Variants in OR8K3 observed in about 807,000 individuals in gnomAD.
OR8K3 encodes the protein olfactory receptor family 8 subfamily K member 3 (gene/pseudogene), also known as olfactory receptor 8K3.
For missense variants in OR8K3, 448 were observed against 367.4 expected (o/e 1.22, Z -1.79); for synonymous variants, 167 against 138.8 (o/e 1.20, Z -1.43).
rs996597874 is a variant in OR8K3, at chr11:56,318,897, G to C, written c.591G>C (p.Leu197Phe). 2 of 1,613,714 alleles carry C rather than the reference G, an allele frequency of 1.2e-6. No individual in the cohort carries two copies. Among genetic ancestry groups the C allele is most frequent in the Admixed American group, 1.7e-5 (1 of 60,022 alleles). Residue 197 changes from leucine to phenylalanine, a missense_variant, in exon 3 of 3, where the codon TTG (leucine) becomes TTC (phenylalanine). Coordinates refer to ENST00000641662, the MANE Select transcript of OR8K3 (RefSeq NM_001005202.2). ...GTTCAAATACACATGAAATTGAATTGATAATTCTGATCTTTGCAGCTATTG... is the reference window on the plus strand; with the variant it reads ...GTTCAAATACACATGAAATTGAATTCATAATTCTGATCTTTGCAGCTATTG... ...LLCSNTHEIE[L>F]IILIFAAIDL...
chr11:56,316,620 A>G (rs1006399166), intron 2 of OR8K3, among the ~76,000 whole-genome samples: 6 of 152,008 alleles, frequency 3.9e-5, no homozygotes, highest in South Asian at 2.1e-4. Flanking sequence ...GAAAAGTTTT[A>G]AATCACAGCC....
Position 56,318,949 on chromosome 11 carries a change from C to A in OR8K3, c.643C>A (p.Leu215Ile), listed in dbSNP as rs755503510. The A allele has an allele frequency of 1.9e-6, 3 of 1,614,092 alleles. No homozygotes were observed. The highest frequency in any genetic ancestry group is 2.5e-6 in the Non-Finnish European group (3 of 1,179,988). Reference protein sequence around the residue: ...IDLISSLLIVLLSYLLILVAI... With the variant: ...IDLISSLLIVILSYLLILVAI... ...TTTGATTTCATCTCTTCTGATAGTT[C>A]TTTTATCTTACCTGCTCATCCTTGT... Residue 215 changes from leucine (L) to isoleucine (I), a missense_variant, in exon 3 of 3, where the codon CTT (leucine) becomes ATT (isoleucine). Leu to Ile is a conservative substitution (Grantham distance 5). Transcript: ENST00000641662.
In OR8K3 at chr11:56,318,545, A is replaced by G. The variant is rs766510781; in HGVS notation, c.239A>G (p.Lys80Arg). 2 of 1,613,230 alleles carry G rather than the reference A, an allele frequency of 1.2e-6. No individual in the cohort carries two copies. Among genetic ancestry groups the G allele is most frequent in the East Asian group, 4.5e-5 (2 of 44,888 alleles). The change falls in exon 3 of 3, where the codon AAA (lysine) becomes AGA (arginine). Residue 80 changes from lysine to arginine, a missense_variant. By Grantham distance (26) the Lys-to-Arg change is conservative. Coordinates refer to ENST00000641662, the MANE Select transcript of OR8K3 (RefSeq NM_001005202.2). ...GGTTATTCAACAACTGTGGGACCCA[A>G]AATGTTAGTAAATTTTGTTGTGGAT... ...DLGYSTTVGP[K>R]MLVNFVVDKN...
At chr11:56,317,359 A>G (rs1206323382) in intron 2 of OR8K3, among the ~76,000 whole-genome samples, 4 of 152,136 alleles carry the variant, frequency 2.6e-5, no homozygotes, top group Admixed American at 2.0e-4. Context: ...ACAGTTTTAG[A>G]TAACTTACAC....
rs1307546500 is a variant in OR8K3 at position 56,317,531 on chromosome 11, T to A, written c.-23-753T>A. Among the ~76,000 whole-genome samples the A allele has an allele frequency of 2.0e-5, 3 of 152,146 alleles. No homozygotes were observed. The East Asian group carries it at 5.8e-4, about 29-fold the overall frequency. On this transcript the variant is annotated intron_variant, in intron 2 of 2. Transcript: ENST00000641662. ...ACTCATATGCCTAATATCTGTCAACTCTATTAAAGTCTCAGCTGTACCACC... is the reference window on the plus strand; with the variant it reads ...ACTCATATGCCTAATATCTGTCAACACTATTAAAGTCTCAGCTGTACCACC...
In OR8K3 at chr11:56,320,549, C is replaced by T. The variant is rs1854510940; in HGVS notation, c.*1304C>T. The T allele has an allele frequency of 6.6e-6, 1 of 152,108 alleles. No individual in the cohort carries two copies. Among genetic ancestry groups the T allele is most frequent in the Non-Finnish European group, 1.5e-5 (1 of 68,020 alleles). 9.4% of individuals were successfully genotyped at this position (152,108 alleles called of 1,614,324 possible). On this transcript the variant is annotated 3_prime_UTR_variant, in exon 3 of 3. Coordinates refer to ENST00000641662, the MANE Select transcript of OR8K3 (RefSeq NM_001005202.2). ...TTGGTTCACCATCATAAAATAAAAT[C>T]CCATGTGCAGCCAAAGAAACACTAA... is the stretch of plus-strand genomic sequence containing the variant.
chr11:56,318,956 C>T lies in OR8K3; in HGVS notation c.650C>T (p.Ser217Phe). ...TCATCTCTTCTGATAGTTCTTTTAT[C>T]TTACCTGCTCATCCTTGTAGCCATT... ...LISSLLIVLL[S>F]YLLILVAILR... is the part of the protein sequence containing the mutation. Residue 217 changes from serine (S) to phenylalanine (F), a missense_variant, in exon 3 of 3, where the codon TCT (serine) becomes TTT (phenylalanine). Physicochemically the swap from Ser to Phe is radical, Grantham distance 155. Transcript: ENST00000641662. 2 of 1,614,112 alleles carry T rather than the reference C, an allele frequency of 1.2e-6. No homozygotes were observed. Among genetic ancestry groups the T allele is most frequent in the South Asian group, 1.1e-5 (1 of 91,080 alleles).
In OR8K3 at chr11:56,318,792, G is replaced by C; in HGVS notation, c.486G>C (p.Lys162Asn). 1 of 1,613,962 alleles carries C rather than the reference G, an allele frequency of 6.2e-7. No homozygotes were observed. The highest frequency in any genetic ancestry group is 8.5e-7 in the Non-Finnish European group (1 of 1,179,934). ...TCATTTCTCTTCTAGTCACCATAAA[G>C]ATTTTTACTTTATCCTTCTGTGGCT... ...CTFISLLVTIKIFTLSFCGYN... is the reference protein window; with the variant it reads ...CTFISLLVTINIFTLSFCGYN... Residue 162 changes from lysine to asparagine, a missense_variant, in exon 3 of 3, where the codon AAG becomes AAC. Physicochemically the swap from Lys to Asn is moderately conservative, Grantham distance 94 (BLOSUM62 0). Transcript: ENST00000641662.
chr11:56,319,468 A>T lies in OR8K3; in HGVS notation c.*223A>T, dbSNP rs960144426. On this transcript the variant is annotated 3_prime_UTR_variant, in exon 3 of 3. Coordinates refer to ENST00000641662, the MANE Select transcript of OR8K3 (RefSeq NM_001005202.2). ...ATTGTATTCACAATAAGTCCATTTT[A>T]TATAACAGTAGAATGTGCACGATGG... 9.7e-6 allele frequency: 5 copies of T among 517,716 alleles called. No homozygotes were observed. The highest frequency in any genetic ancestry group is 1.4e-5 in the Non-Finnish European group (4 of 291,442). The allele number at this position is 517,716 out of a possible 1,614,324, so 32.1% of individuals were successfully genotyped here.
Position 56,318,601 on chromosome 11 carries a change from A to G in OR8K3, c.295A>G (p.Thr99Ala). The G allele has an allele frequency of 6.2e-7, 1 of 1,613,916 alleles. No homozygotes were observed. The highest frequency in any genetic ancestry group is 8.5e-7 in the Non-Finnish European group (1 of 1,179,864). Residue 99 changes from threonine (T) to alanine (A), a missense_variant, in exon 3 of 3, where the codon ACA becomes GCA. Thr to Ala is a moderately conservative substitution (Grantham distance 58). Transcript: ENST00000641662. ...TATAATTTCTTATTATTTTTGTGCA[A>G]CACAGCTAGCTTTCTTTCTTGTGTT... The part of the protein sequence containing the change: ...KNIISYYFCA[T>A]QLAFFLVFIG...
rs929537676 is a variant in OR8K3 at position 56,315,988 on chromosome 11, T to C, written c.-81-12T>C. 2 of 152,038 alleles carry C rather than the reference T, an allele frequency of 1.3e-5. No homozygotes were observed. Among genetic ancestry groups the C allele is most frequent in the African/African-American group, 4.8e-5 (2 of 41,422 alleles). The allele number at this position is 152,038 out of a possible 1,614,324, so 9.4% of individuals were successfully genotyped here. On this transcript the variant is annotated splice_polypyrimidine_tract_variant and intron_variant, in intron 1 of 2. Coordinates refer to ENST00000641662, the MANE Select transcript of OR8K3 (RefSeq NM_001005202.2). Reference sequence around the variant, plus strand: ...CAAAATATGAAAAAAAGCAATCTGGTTCTTTCCACAGAACTCCAAAGATGG... The same window carrying C: ...CAAAATATGAAAAAAAGCAATCTGGCTCTTTCCACAGAACTCCAAAGATGG...
chr11:56,316,411 A>C (rs1006778072), intron 2 of OR8K3, among the ~76,000 whole-genome samples: 1 of 131,166 alleles, frequency 7.6e-6, no homozygotes, highest in African/African-American at 2.8e-5. Context: ...TTCTTTTTTC[A>C]AAAAACATTG....
chr11:56,319,242 T>C lies in OR8K3; in HGVS notation c.936T>C (p.Val312=). 1.3e-6 allele frequency: 2 copies of C among 1,560,808 alleles called. No individual in the cohort carries two copies. The highest frequency in any genetic ancestry group is 1.8e-6 in the Non-Finnish European group (2 of 1,134,912). Residue 312 remains valine, a synonymous_variant, in exon 3 of 3, where the codon GTT becomes GTC. Coordinates refer to ENST00000641662, the MANE Select transcript of OR8K3 (RefSeq NM_001005202.2). ...GGAATAACTTATGTAATATTTTTGT[T>C]TAAATTTTGTACAATATGATTCCTA... is the stretch of plus-strand genomic sequence containing the variant. ...RTWNNLCNIF[V] is the part of the protein sequence containing the mutation.
In OR8K3 at chr11:56,319,412, G is replaced by A. The variant is rs1427963147; in HGVS notation, c.*167G>A. 6 of 576,100 alleles carry A rather than the reference G, an allele frequency of 1.0e-5. No homozygotes were observed. The East Asian group carries it at 1.1e-4, about 11-fold the overall frequency. The allele number at this position is 576,100 out of a possible 1,614,324, so 35.7% of individuals were successfully genotyped here. ...ACATAGATTAATAAACAAAATAGTA[G>A]AAATCTTTGCCTTCCTTGATGGATA... On this transcript the variant is annotated 3_prime_UTR_variant, in exon 3 of 3. Transcript: ENST00000641662.
chr11:56,319,432 T>C lies in OR8K3; in HGVS notation c.*187T>C, dbSNP rs560900511. The C allele has an allele frequency of 3.5e-5, 20 of 569,794 alleles. No homozygotes were observed. The South Asian group carries it at 4.2e-4, about 12-fold the overall frequency. The allele number at this position is 569,794 out of a possible 1,614,324, so 35.3% of individuals were successfully genotyped here. On this transcript the variant is annotated 3_prime_UTR_variant, in exon 3 of 3. Transcript: ENST00000641662. ...TAGTAGAAATCTTTGCCTTCCTTGA[T>C]GGATAGATGAATTGTATTCACAATA...
In OR8K3 at chr11:56,319,138, AC is replaced by A; in HGVS notation, c.835del (p.Leu279TrpfsTer6). On this transcript the variant is annotated frameshift_variant, in exon 3 of 3. Coordinates refer to ENST00000641662, the MANE Select transcript of OR8K3 (RefSeq NM_001005202.2). LOFTEE classifies it low-confidence loss of function (END_TRUNC). ...DTDKVASIFY[T>X]LVIPMLNPLI... The stretch of plus-strand genomic sequence containing the variant: ...TGATAAAGTGGCTTCCATATTTTAC[AC>A]CCTGGTTATCCCCATGTTGAATCCC... 6.2e-7 allele frequency: 1 copy of A among 1,613,600 alleles called. No individual in the cohort carries two copies. Among genetic ancestry groups the A allele is most frequent in the Non-Finnish European group, 8.5e-7 (1 of 1,179,566 alleles).
In OR8K3 at chr11:56,318,911, T is replaced by C; in HGVS notation, c.605T>C (p.Phe202Ser). ...THEIELIILI[F>S]AAIDLISSLL... Reference sequence around the variant, plus strand: ...GAAATTGAATTGATAATTCTGATCTTTGCAGCTATTGATTTGATTTCATCT... The same window carrying C: ...GAAATTGAATTGATAATTCTGATCTCTGCAGCTATTGATTTGATTTCATCT... Residue 202 changes from phenylalanine (F) to serine (S), a missense_variant, in exon 3 of 3, where the codon TTT becomes TCT. Transcript: ENST00000641662. The C allele has an allele frequency of 6.2e-7, 1 of 1,614,046 alleles. No individual in the cohort carries two copies. The highest frequency in any genetic ancestry group is 8.5e-7 in the Non-Finnish European group (1 of 1,179,894).
rs1400191622 is a variant in OR8K3, at chr11:56,320,050, T to G, written c.*805T>G. The stretch of plus-strand genomic sequence containing the variant: ...TAATAACTGCCTTTTTCACAGATTT[T>G]CCCGTTATTTATCTAAAAAAAAGTA... On this transcript the variant is annotated 3_prime_UTR_variant, in exon 3 of 3. Coordinates refer to ENST00000641662, the MANE Select transcript of OR8K3 (RefSeq NM_001005202.2). 5 of 152,296 alleles carry G rather than the reference T, an allele frequency of 3.3e-5. No individual in the cohort carries two copies. In the South Asian group the frequency reaches 8.3e-4, roughly 25 times the overall value. 9.4% of individuals were successfully genotyped at this position (152,296 alleles called of 1,614,324 possible).
Position 56,318,767 on chromosome 11 carries a change from T to C in OR8K3, c.461T>C (p.Phe154Ser). ...GCAATCCCTTACCTCTATTGCACAT[T>C]CATTTCTCTTCTAGTCACCATAAAG... ...LVAIPYLYCT[F>S]ISLLVTIKIF... Residue 154 changes from phenylalanine (F) to serine (S), a missense_variant, in exon 3 of 3, where the codon TTC (phenylalanine) becomes TCC (serine). By Grantham distance (155) the Phe-to-Ser change is radical. Transcript: ENST00000641662. 1 of 1,613,996 alleles carries C rather than the reference T, an allele frequency of 6.2e-7. No individual in the cohort carries two copies.
Sources: allele counts gnomAD v4.1 joint callset (sites outside exome capture counted in the v4.1 genomes callset), GRCh38; gene constraint gnomAD v4.1.1; transcripts MANE v1.5; gene names NCBI Gene and HGNC (gene_info 2026-07-23, HGNC 2026-07-21).